Variants in PDE1A observed in about 807,000 individuals in gnomAD.
The protein encoded by PDE1A is dual specificity calcium/calmodulin-dependent 3',5'-cyclic nucleotide phosphodiesterase 1A.
In PDE1A, 35 loss-of-function variants were observed where a neutral mutation model predicts 61.7. The observed-to-expected ratio is 0.57, with a 90% CI of 0.43 to 0.75. The LOEUF (loss-of-function observed/expected upper bound fraction) is 0.75. PDE1A is among the 30% of genes least tolerant of loss of function. The pLI is 0.00. For synonymous variants in PDE1A, 232 were observed against 213.2 expected, an observed-to-expected ratio of 1.09 and a Z score of -0.77; for missense variants, 597 against 630.6, an observed-to-expected ratio of 0.95 and a Z score of 0.57.
the PDE1A span, among the ~76,000 whole-genome samples, chr2:182,651,504 T>C: frequency 6.6e-6 from 1 of 152,234 alleles, no homozygotes; most frequent in Non-Finnish European, 1.5e-5. Context: ...CAGACAAAAA[T>C]ATTAAAGATT....
At chr2:182,459,292 T>A (rs1377561495) in intron 2 of PDE1A, among the ~76,000 whole-genome samples, 2 of 152,014 alleles carry the variant, frequency 1.3e-5, no homozygotes, top group Non-Finnish European at 2.9e-5. Flanking sequence ...AGAGAACCTA[T>A]AAAATCTAAG....
rs180922201 is a variant in PDE1A at position 182,184,348 on chromosome 2, A to G, written c.1516+1544T>C. ...AAACAGAAAGAAAAAGATAATACTCAGTACATACAAGGAAGCAACAATACA... is the reference window on the plus strand; with the variant it reads ...AAACAGAAAGAAAAAGATAATACTCGGTACATACAAGGAAGCAACAATACA... On this transcript the variant is annotated intron_variant, in intron 13 of 13. Coordinates refer to ENST00000351439, the Ensembl canonical transcript of PDE1A. 3.3e-5 allele frequency among the ~76,000 whole-genome samples: 5 copies of G among 152,250 alleles called. No homozygotes were observed. In the East Asian group the frequency reaches 9.6e-4, roughly 29 times the overall value.
chr2:182,638,851 G>A, the PDE1A span, among the ~76,000 whole-genome samples: 4 of 152,158 alleles, frequency 2.6e-5, no homozygotes, highest in African/African-American at 9.7e-5. Context: ...TCCAGATCAG[G>A]AGGGAACCAG....
the PDE1A span, among the ~76,000 whole-genome samples, chr2:182,577,931 CGGAAGGAAGGAAGGAAGGAAGGAAGGAA>C: frequency 5.7e-4 from 47 of 82,226 alleles, no homozygotes; most frequent in Middle Eastern, 5.8e-3. Flanking sequence ...AGAAAGAAAA[CGGAAGGAAGGAAGGAAGGAAGGAAGGAA>C]GGAAGGAAGG....
chr2:182,560,769 G>T, the PDE1A span, among the ~76,000 whole-genome samples: 1 of 151,914 alleles, frequency 6.6e-6, no homozygotes, highest in African/African-American at 2.4e-5. Context: ...ACTAGTGTGA[G>T]ATGGTATCTC....
chr2:182,601,326 C>T, the PDE1A span, among the ~76,000 whole-genome samples: 1 of 152,346 alleles, frequency 6.6e-6, no homozygotes, highest in Non-Finnish European at 1.5e-5. Flanking sequence ...AGCTACACTG[C>T]AAGCAGCTTT....
chr2:182,547,027 G>A, the PDE1A span, among the ~76,000 whole-genome samples: 1 of 152,154 alleles, frequency 6.6e-6, no homozygotes, highest in Non-Finnish European at 1.5e-5. Flanking sequence ...GCAGCTAACT[G>A]AAGTTAGTGC....
chr2:182,147,118 TAA>T lies in PDE1A; in HGVS notation c.1549_1550del (p.Leu517SerfsTer4). On this transcript the variant is annotated frameshift_variant, in exon 14 of 14. Coordinates refer to the PDE1A transcript ENST00000409365. LOFTEE classifies it high-confidence loss of function. Reference sequence around the variant, plus strand: ...CATCATGTTTTTCTTCAGCATTTACTAAGTCTTCTGAGTTCTTATGAAGATCA... The same window carrying T: ...CATCATGTTTTTCTTCAGCATTTACTGTCTTCTGAGTTCTTATGAAGATCA... 1 of 1,608,346 alleles carries T rather than the reference TAA, an allele frequency of 6.2e-7. No individual in the cohort carries two copies. The highest frequency in any genetic ancestry group is 1.1e-5 in the South Asian group (1 of 90,644).
chr2:182,664,246 A>C, the PDE1A span, among the ~76,000 whole-genome samples: 1 of 152,346 alleles, frequency 6.6e-6, no homozygotes, highest in South Asian at 2.1e-4. Flanking sequence ...TCAAAGATGC[A>C]CAGATCCAAT....
chr2:182,675,898 A>G, the PDE1A span, among the ~76,000 whole-genome samples: 1 of 152,152 alleles, frequency 6.6e-6, no homozygotes, highest in African/African-American at 2.4e-5. Context: ...CCCATTCTGT[A>G]GGCTGTCCAT....
At chr2:182,313,413 CA>C (rs879549054) in intron 1 of PDE1A, among the ~76,000 whole-genome samples, 17 of 147,934 alleles carry the variant, frequency 1.1e-4, no homozygotes, top group Non-Finnish European at 2.1e-4. Context: ...GACTCCGTCT[CA>C]AAAAAAAAAG....
In PDE1A at chr2:182,399,831, G is replaced by A. The variant is rs547007088; in HGVS notation, c.53+26747C>T. 1.2e-4 allele frequency among the ~76,000 whole-genome samples: 19 copies of A among 152,060 alleles called. No homozygotes were observed. The South Asian group carries it at 3.9e-3, about 32-fold the overall frequency. ...ATCAATTTAGTCAGTCTCCTGTAAT[G>A]GCAATCATTAAGATTGTTTCTAATT... On this transcript the variant is annotated intron_variant, in intron 1 of 13. Transcript: ENST00000351439.
the PDE1A span, among the ~76,000 whole-genome samples, chr2:182,680,701 G>A: frequency 4.7e-4 from 72 of 152,254 alleles, no homozygotes; most frequent in African/African-American, 1.6e-3. Context: ...TGCAGGGAAG[G>A]CAAGTCTTAA....
the PDE1A span, among the ~76,000 whole-genome samples, chr2:182,534,386 A>T: frequency 1.3e-5 from 2 of 152,046 alleles, no homozygotes; most frequent in Non-Finnish European, 2.9e-5. Flanking sequence ...GTCAAGGGTT[A>T]TAAATCTAAT....
chr2:182,444,097 T>A (rs951204739), intron 2 of PDE1A, among the ~76,000 whole-genome samples: 5 of 152,194 alleles, frequency 3.3e-5, no homozygotes, highest in South Asian at 2.1e-4. Flanking sequence ...AAAATCTCCC[T>A]ACCCACTCAT....
intron 2 of PDE1A, among the ~76,000 whole-genome samples, chr2:182,241,334 T>C (rs956716019): frequency 6.6e-6 from 1 of 152,344 alleles, no homozygotes; most frequent in East Asian, 1.9e-4. Context: ...CTCTGGCACA[T>C]GTTAGCTTCA....
chr2:182,154,900 ATAC>A (rs1295849017), intron 13 of PDE1A, among the ~76,000 whole-genome samples: 2 of 152,108 alleles, frequency 1.3e-5, no homozygotes, highest in Admixed American at 6.6e-5. Flanking sequence ...TTATAACATA[ATAC>A]TACTACTAAC....
chr2:182,638,356 T>C, the PDE1A span, among the ~76,000 whole-genome samples: 1 of 152,002 alleles, frequency 6.6e-6, no homozygotes, highest in Non-Finnish European at 1.5e-5. Context: ...CTGGCCAACA[T>C]GGTGAACATC....
At chr2:182,451,472 C>A (rs1052762779) in intron 2 of PDE1A, among the ~76,000 whole-genome samples, 3 of 152,006 alleles carry the variant, frequency 2.0e-5, no homozygotes, top group Non-Finnish European at 2.9e-5. Context: ...TACGCACACT[C>A]CCCAGATCTA....
Sources: allele counts gnomAD v4.1 joint callset (sites outside exome capture counted in the v4.1 genomes callset), GRCh38; gene constraint gnomAD v4.1.1; transcripts MANE v1.5; gene names NCBI Gene and HGNC (gene_info 2026-07-23, HGNC 2026-07-21).